Variants in CASS4 observed in about 807,000 individuals in gnomAD.
CASS4 encodes the protein cas scaffolding protein family member 4.
CASS4 carries 22 observed loss-of-function variants against 54.2 expected under a neutral mutation model. The ratio of observed to expected loss-of-function variants is 0.41; its 90% CI spans 0.29 to 0.58. The LOEUF (loss-of-function observed/expected upper bound fraction) is 0.58, where lower values mean the gene tolerates loss of function less well. Ranked by LOEUF, CASS4 falls within the 20% of genes least tolerant of loss-of-function variation. The pLI, the probability that CASS4 is intolerant of heterozygous loss-of-function variation, is 0.36. For synonymous variants in CASS4, 409 were observed against 391.5 expected, an observed-to-expected ratio of 1.04 and a Z score of -0.53; for missense variants, 854 against 986.7, an observed-to-expected ratio of 0.87 and a Z score of 1.80.
At chr20:56,445,201 C>G (rs746623264) in intron 2 of CASS4, among the ~76,000 whole-genome samples, 1 of 152,190 alleles carries the variant, frequency 6.6e-6, no homozygotes, top group African/African-American at 2.4e-5. Flanking sequence ...GACCTGCTCC[C>G]TGTTAACCTT....
intron 5 of CASS4, 104 bp from the exon 6 acceptor site, chr20:56,458,235 TA>T (rs1199783423): frequency 4.3e-5 from 50 of 1,158,186 alleles, no homozygotes; most frequent in Admixed American, 7.4e-5. Flanking sequence ...CATGCTTTTT[TA>T]AAAAAAATAA....
chr20:56,445,525 G>A (rs1313569113), intron 2 of CASS4, among the ~76,000 whole-genome samples: 1 of 152,200 alleles, frequency 6.6e-6, no homozygotes, highest in Non-Finnish European at 1.5e-5. Context: ...ACAGCCTCCT[G>A]GTCCCTAGAG....
intron 3 of CASS4, among the ~76,000 whole-genome samples, chr20:56,446,977 G>A (rs1016576382): frequency 2.3e-4 from 35 of 152,144 alleles, no homozygotes; most frequent in African/African-American, 8.2e-4. Flanking sequence ...GGAGGCCAAG[G>A]CAGGAGGATC....
At chr20:56,446,090 A>G (rs888241633) in intron 3 of CASS4, 89 bp downstream of exon 3, 98 of 848,110 alleles carry the variant, frequency 1.2e-4, no homozygotes, top group Non-Finnish European at 1.6e-4. Context: ...GCATTTCAGC[A>G]TTACCATGGC....
intron 2 of CASS4, among the ~76,000 whole-genome samples, chr20:56,439,051 G>A (rs1238245393): frequency 6.6e-6 from 1 of 152,236 alleles, no homozygotes; most frequent in African/African-American, 2.4e-5. Flanking sequence ...TCCTCAGCAC[G>A]TGGGACCAGG....
intron 2 of CASS4, among the ~76,000 whole-genome samples, chr20:56,440,947 C>G (rs1004434320): frequency 1.3e-5 from 2 of 151,188 alleles, no homozygotes; most frequent in African/African-American, 4.9e-5. Context: ...AGTTTGCTCC[C>G]TTCCTTCCCT....
At chr20:56,432,276 TG>T (rs1979941773) in intron 1 of CASS4, among the ~76,000 whole-genome samples, 1 of 152,140 alleles carries the variant, frequency 6.6e-6, no homozygotes, top group African/African-American at 2.4e-5. Flanking sequence ...TTCAGATTAT[TG>T]TTTTTTACTG....
In CASS4 at chr20:56,451,978, AGGC is replaced by A; in HGVS notation, c.803_805del (p.Arg268_Pro269delinsThr). The A allele has an allele frequency of 6.2e-7, 1 of 1,614,214 alleles. No homozygotes were observed. The highest frequency in any genetic ancestry group is 8.5e-7 in the Non-Finnish European group (1 of 1,180,038). On this transcript the variant is annotated inframe_deletion, in exon 5 of 6. Coordinates refer to ENST00000679887, the MANE Select transcript of CASS4 (RefSeq NM_020356.4). ...TCTCACCAGCTTTGCGGAAGAATCA[AGGC>A]CCCACGCTCTCCCCAGTTCCAGCTC...
chr20:56,427,001 C>T (rs972357201), intron 1 of CASS4, among the ~76,000 whole-genome samples: 1 of 152,024 alleles, frequency 6.6e-6, no homozygotes, highest in African/African-American at 2.4e-5. Flanking sequence ...ATCATCTTTG[C>T]TGTAACTCCC....
At chr20:56,457,984 C>T (rs912283224) in intron 5 of CASS4, among the ~76,000 whole-genome samples, 2 of 141,870 alleles carry the variant, frequency 1.4e-5, no homozygotes, top group Non-Finnish European at 3.0e-5. Context: ...CATTGCACTC[C>T]AGCCTGGAAG....
Position 56,450,798 on chromosome 20 carries a change from C to T in CASS4, c.642+119C>T, listed in dbSNP as rs1036045218. ...CCTGTAATCCCAGCACTTTGAGAGG[C>T]CGAGGTGAGTGCATCACCTGAGGTT... On this transcript the variant is annotated intron_variant, in intron 4 of 5. Coordinates refer to ENST00000679887, the MANE Select transcript of CASS4 (RefSeq NM_020356.4). 16 of 867,712 alleles carry T rather than the reference C, an allele frequency of 1.8e-5. No homozygotes were observed. The East Asian group carries it at 3.0e-4, about 16-fold the overall frequency. The allele number at this position is 867,712 out of a possible 1,614,324, so 53.8% of individuals were successfully genotyped here.
chr20:56,458,379 A>T lies in CASS4; in HGVS notation c.1993A>T (p.Thr665Ser), dbSNP rs1488903087. 1 of 1,613,252 alleles carries T rather than the reference A, an allele frequency of 6.2e-7. No individual in the cohort carries two copies. The highest frequency in any genetic ancestry group is 8.5e-7 in the Non-Finnish European group (1 of 1,179,576). ...TATACCTCAGCCTTCGAGTCAACAGACTCCTGAGAGGAAACCCCGCTTATC... is the reference window on the plus strand; with the variant it reads ...TATACCTCAGCCTTCGAGTCAACAGTCTCCTGAGAGGAAACCCCGCTTATC... ...PLIPQPSSQQTPERKPRLSEH... is the reference protein window; with the variant it reads ...PLIPQPSSQQSPERKPRLSEH... The change falls in exon 6 of 6, where the codon ACT (threonine) becomes TCT (serine). Residue 665 changes from threonine to serine, a missense_variant. Thr to Ser is a moderately conservative substitution (Grantham distance 58). Transcript: ENST00000679887.
In CASS4 at chr20:56,421,296, G is replaced by A. The variant is rs79489333; in HGVS notation, c.36+8802G>A. Among the ~76,000 whole-genome samples the A allele has an allele frequency of 4.0e-3, 610 of 152,320 alleles. 5 individuals carry two copies. The highest frequency in any genetic ancestry group is 0.014 in the African/African-American group (582 of 41,570). On this transcript the variant is annotated intron_variant, in intron 1 of 5. Transcript: ENST00000679887. ...AATTTCATGGGTAACATCGCTGAGG[G>A]ACAGTTGTTTTTTAATTGACTCAAT...
At chr20:56,431,717 A>G (rs1231043493) in intron 1 of CASS4, among the ~76,000 whole-genome samples, 1 of 152,214 alleles carries the variant, frequency 6.6e-6, no homozygotes, top group Non-Finnish European at 1.5e-5. Flanking sequence ...AGCTGCATTC[A>G]ATCTGGACCC....
Position 56,453,061 on chromosome 20 carries a change from A to G in CASS4, c.1885A>G (p.Thr629Ala). 9.9e-6 allele frequency: 16 copies of G among 1,614,134 alleles called. No individual in the cohort carries two copies. Among genetic ancestry groups the G allele is most frequent in the Non-Finnish European group, 1.3e-5 (15 of 1,180,012 alleles). ...TESHQKSTPS[T>A]KQREDEHSSE... ...ATCACACCAAAAGAGTACCCCTTCCACTAAGCAAAGGGAAGATGAACACTC... is the reference window on the plus strand; with the variant it reads ...ATCACACCAAAAGAGTACCCCTTCCGCTAAGCAAAGGGAAGATGAACACTC... Residue 629 changes from threonine (T) to alanine (A), a missense_variant, in exon 5 of 6, where the codon ACT becomes GCT. Transcript: ENST00000679887.
Position 56,412,582 on chromosome 20 carries a change from C to G in CASS4, c.36+88C>G. The stretch of plus-strand genomic sequence containing the variant: ...GTTGACCAGCTTTAGTTGTGACTTT[C>G]TAATAAAGGTTGAATACCAGTGACG... On this transcript the variant is annotated intron_variant, in intron 1 of 5. Coordinates refer to ENST00000679887, the MANE Select transcript of CASS4 (RefSeq NM_020356.4). This position sits in a 1 kb window ranked among gnomAD's most constrained non-coding sequence, Gnocchi z 4.2. 7.2e-7 allele frequency: 1 copy of G among 1,380,982 alleles called. No homozygotes were observed. The highest frequency in any genetic ancestry group is 1.0e-6 in the Non-Finnish European group (1 of 995,712). The allele number at this position is 1,380,982 out of a possible 1,614,324, so 85.5% of individuals were successfully genotyped here.
Position 56,452,772 on chromosome 20 carries a change from A to G in CASS4, c.1596A>G (p.Glu532=), listed in dbSNP as rs749589898. ...CCAACTCCTACCGCATCCTGCTTGA[A>G]ACAAAGGAAAGCTTGGATAATCGCA... is the stretch of plus-strand genomic sequence containing the variant. The part of the protein sequence containing the change: ...TISNSYRILL[E]TKESLDNRNW... Residue 532 remains glutamate, a synonymous_variant, in exon 5 of 6, where the codon GAA becomes GAG. Coordinates refer to ENST00000679887, the MANE Select transcript of CASS4 (RefSeq NM_020356.4). 1.2e-6 allele frequency: 2 copies of G among 1,614,080 alleles called. No individual in the cohort carries two copies. The highest frequency in any genetic ancestry group is 1.1e-5 in the South Asian group (1 of 91,080).
chr20:56,433,553 A>T (rs888127792), intron 1 of CASS4, among the ~76,000 whole-genome samples: 109 of 151,916 alleles, frequency 7.2e-4, no homozygotes, highest in African/African-American at 2.1e-3. Context: ...TCCCTGAAAA[A>T]CTCGAGGACG....
chr20:56,434,807 C>T (rs1289111114), intron 1 of CASS4, among the ~76,000 whole-genome samples: 1 of 151,902 alleles, frequency 6.6e-6, no homozygotes, highest in Non-Finnish European at 1.5e-5. Context: ...CATATTATGC[C>T]ATTAGATTTT....
Sources: allele counts gnomAD v4.1 joint callset (sites outside exome capture counted in the v4.1 genomes callset), GRCh38; gene constraint gnomAD v4.1.1; non-coding constraint Gnocchi (gnomAD v3.1); transcripts MANE v1.5; gene names NCBI Gene and HGNC (gene_info 2026-07-23, HGNC 2026-07-21).